Variants in RP1L1 observed in about 807,000 individuals in gnomAD.
RP1L1 encodes the protein retinitis pigmentosa 1-like 1 protein.
RP1L1 carries 27 observed loss-of-function variants against 15.7 expected under a neutral mutation model. The observed-to-expected ratio is 1.72, with a 90% CI of 1.27 to 2.38. The LOEUF (loss-of-function observed/expected upper bound fraction) is 2.38. Ranked by LOEUF, RP1L1 falls within the 30% of genes most tolerant of loss-of-function variation. The pLI is 0.00. For synonymous variants in RP1L1, 1,813 were observed against 1,276.7 expected, an observed-to-expected ratio of 1.42 and a Z score of -8.96; for missense variants, 4,798 against 3,075.9, an observed-to-expected ratio of 1.56 and a Z score of -13.24.
Position 10,613,313 on chromosome 8 carries a change from A to T in RP1L1, c.785T>A (p.Ile262Asn). The change falls in exon 4 of 4, where the codon ATC becomes AAC. Residue 262 changes from isoleucine (I) to asparagine (N), a missense_variant. By Grantham distance (149) the Ile-to-Asn change is moderately radical. Transcript: ENST00000382483. ...SWGPKTKPSV[I>N]HSRSPPGSTP... is the part of the protein sequence containing the mutation. ...GCTGCCTGGCGGAGACCGCGAATGG[A>T]TCACACTCGGCTTGGTCTTTGGCCC... 1 of 1,601,592 alleles carries T rather than the reference A, an allele frequency of 6.2e-7. No homozygotes were observed. The highest frequency in any genetic ancestry group is 1.1e-5 in the South Asian group (1 of 91,084).
intron 1 of RP1L1, among the ~76,000 whole-genome samples, chr8:10,630,192 AG>A (rs1798220003): frequency 6.6e-6 from 1 of 152,128 alleles, no homozygotes; most frequent in South Asian, 2.1e-4. Context: ...AGTGCAGTGG[AG>A]GGGGGAGCAG....
At position 10,610,323 on chromosome 8, in the gene RP1L1, G is replaced by A. The variant is rs1797820844; in HGVS notation, c.3775C>T (p.Pro1259Ser). The change falls in exon 4 of 4, where the codon CCA (proline) becomes TCA (serine). Residue 1259 changes from proline to serine, a missense_variant. Transcript: ENST00000382483. ...CAGGCTCGGGCGTTCAAGAAGGTTG[G>A]GAAACAACACTGCTGTTGGTTTTCC... ...DLENQQQCCFPTFLNARACAC... is the reference protein window; with the variant it reads ...DLENQQQCCFSTFLNARACAC... The A allele has an allele frequency of 5.0e-6, 8 of 1,614,144 alleles. No individual in the cohort carries two copies. The highest frequency in any genetic ancestry group is 6.8e-6 in the Non-Finnish European group (8 of 1,180,026).
rs1797795238 is a variant in RP1L1 at position 10,609,794 on chromosome 8, GC to G, written c.4303del (p.Ala1435ProfsTer51). On this transcript the variant is annotated frameshift_variant, in exon 4 of 4. Transcript: ENST00000382483. LOFTEE classifies it low-confidence loss of function (END_TRUNC). ...GGGGCACGGCTCTGCAGAGGCAGAG[GC>G]TCTTCCTGCTTCCTCCTCCTGGACT... is the stretch of plus-strand genomic sequence containing the variant. ...DPVQEEEAGR[A>X]SASAEPCPAE... The G allele has an allele frequency of 1.9e-6, 3 of 1,614,054 alleles. No homozygotes were observed. The highest frequency in any genetic ancestry group is 2.5e-6 in the Non-Finnish European group (3 of 1,180,016).
rs1233996313 is a variant in RP1L1, at chr8:10,608,861, C to T, written c.5237G>A (p.Gly1746Asp). 6.2e-7 allele frequency: 1 copy of T among 1,613,902 alleles called. No homozygotes were observed. Among genetic ancestry groups the T allele is most frequent in the Non-Finnish European group, 8.5e-7 (1 of 1,180,040 alleles). ...TCTGTTGAGTCTCTGGCTCCCCTCG[C>T]CATCCTCACCCTCGTCCACTCCAGG... ...QGPGVDEGEDGEGSQRLNRDK... is the reference protein window; with the variant it reads ...QGPGVDEGEDDEGSQRLNRDK... Residue 1746 changes from glycine to aspartate, a missense_variant, in exon 4 of 4, where the codon GGC becomes GAC. Transcript: ENST00000382483.
At chr8:10,638,673 G>C (rs974103740) in intron 1 of RP1L1, among the ~76,000 whole-genome samples, 2 of 152,166 alleles carry the variant, frequency 1.3e-5, no homozygotes, top group Non-Finnish European at 2.9e-5. Flanking sequence ...GTTAAGTATA[G>C]CTCAGCTGAT....
intron 1 of RP1L1, among the ~76,000 whole-genome samples, chr8:10,634,459 G>C (rs1273072337): frequency 1.3e-5 from 2 of 152,142 alleles, no homozygotes; most frequent in Non-Finnish European, 2.9e-5. Flanking sequence ...GACAAGTGGG[G>C]AAGATCAACA....
At position 10,622,779 on chromosome 8, in the gene RP1L1, G is replaced by C. The variant is rs1047039731; in HGVS notation, c.423C>G (p.Thr141=). The C allele has an allele frequency of 6.2e-7, 1 of 1,613,826 alleles. No homozygotes were observed. The highest frequency in any genetic ancestry group is 1.3e-5 in the African/African-American group (1 of 74,908). The change falls in exon 2 of 4, where the codon ACC becomes ACG. Residue 141 remains threonine (T), a synonymous_variant. Transcript: ENST00000382483. ...DVEGQREAPG[T]SSSRKSLKTP... is the part of the protein sequence containing the mutation. Reference sequence around the variant, plus strand: ...TTTTAAGACTCTTCCGGGAGGAGGAGGTGCCTGGGGCTTCACGCTGGCCTT... The same window carrying C: ...TTTTAAGACTCTTCCGGGAGGAGGACGTGCCTGGGGCTTCACGCTGGCCTT...
chr8:10,643,407 G>A (rs1798434439), intron 1 of RP1L1, among the ~76,000 whole-genome samples: 1 of 152,090 alleles, frequency 6.6e-6, no homozygotes, highest in Non-Finnish European at 1.5e-5. Context: ...AGACGTACCT[G>A]GTACACAGTC....
Position 10,613,205 on chromosome 8 carries a change from G to A in RP1L1, c.893C>T (p.Ala298Val), listed in dbSNP as rs751577261. Residue 298 changes from alanine (A) to valine (V), a missense_variant, in exon 4 of 4, where the codon GCT becomes GTT. Transcript: ENST00000382483. ...GCCAGCCACCAGCGGGCCCGACTGA[G>A]CTGGCGTGTCCTGAGGGTGCCTGCC... is the stretch of plus-strand genomic sequence containing the variant. ...APGRHPQDTP[A>V]QSGPLVAGDD... 6.2e-7 allele frequency: 1 copy of A among 1,613,552 alleles called. No individual in the cohort carries two copies. The highest frequency in any genetic ancestry group is 8.5e-7 in the Non-Finnish European group (1 of 1,180,018).
In RP1L1 at chr8:10,622,754, T is replaced by G. The variant is rs377360026; in HGVS notation, c.448A>C (p.Thr150Pro). ...GTSSSRKSLK[T>P]PRRILLIKNM... ...TTAATCAGCAGTATCCTCCGGGGGG[T>G]TTTAAGACTCTTCCGGGAGGAGGAG... Residue 150 changes from threonine (T) to proline (P), a missense_variant, in exon 2 of 4, where the codon ACC (threonine) becomes CCC (proline). Coordinates refer to ENST00000382483, the MANE Select transcript of RP1L1 (RefSeq NM_178857.6). 57 of 1,612,792 alleles carry G rather than the reference T, an allele frequency of 3.5e-5. No homozygotes were observed. The highest frequency in any genetic ancestry group is 4.7e-5 in the Non-Finnish European group (55 of 1,179,712).
chr8:10,619,988 G>C (rs965206029), intron 2 of RP1L1, among the ~76,000 whole-genome samples: 2 of 149,000 alleles, frequency 1.3e-5, no homozygotes, highest in Non-Finnish European at 3.0e-5. Context: ...AAAAGATGTT[G>C]AGAGAGGATT....
At chr8:10,620,302 C>T (rs927012038) in intron 2 of RP1L1, among the ~76,000 whole-genome samples, 2 of 152,112 alleles carry the variant, frequency 1.3e-5, no homozygotes, top group Non-Finnish European at 2.9e-5. Flanking sequence ...GAGAATGTTC[C>T]CCCTTAGAAG....
At chr8:10,622,547 G>C in intron 2 of RP1L1, 46 bp downstream of exon 2, 1 of 1,613,190 alleles carries the variant, frequency 6.2e-7, no homozygotes, top group East Asian at 2.2e-5. Context: ...TTTGACCTCA[G>C]GTCTAAAGAA....
chr8:10,621,104 T>A (rs6601494), intron 2 of RP1L1: 145,779 of 152,280 alleles, frequency 0.96, 70,090 homozygotes, highest in Non-Finnish European at 1. Flanking sequence ...TTCCTATACT[T>A]CTTAACATAG....
At chr8:10,643,844 G>A (rs1360100506) in intron 1 of RP1L1, among the ~76,000 whole-genome samples, 1 of 152,010 alleles carries the variant, frequency 6.6e-6, no homozygotes, top group Non-Finnish European at 1.5e-5. Flanking sequence ...CATGTCGATA[G>A]TGCCATGGAA....
intron 1 of RP1L1, among the ~76,000 whole-genome samples, chr8:10,630,043 C>A (rs997759267): frequency 6.6e-5 from 10 of 152,204 alleles, no homozygotes; most frequent in Non-Finnish European, 1.3e-4. Context: ...GAGTGGGAGT[C>A]AGGGTGGTGA....
At chr8:10,619,341 GGAAGTCAAA>G (rs1563129223) in intron 2 of RP1L1, among the ~76,000 whole-genome samples, 1 of 152,240 alleles carries the variant, frequency 6.6e-6, no homozygotes, top group African/African-American at 2.4e-5. Context: ...ACAAGCAAAA[GGAAGTCAAA>G]GATGCAGAGA....
chr8:10,623,083 T>C lies in RP1L1; in HGVS notation c.119A>G (p.Lys40Arg). Reference protein sequence around the residue: ...VTPAKKITFLKRGDPRFAGVR... With the variant: ...VTPAKKITFLRRGDPRFAGVR... ...CCCAGCAAACCGTGGATCCCCTCGC[T>C]TGAGGAAGGTGATCTTCTTGGCTGG... Residue 40 changes from lysine to arginine, a missense_variant, in exon 2 of 4, where the codon AAG becomes AGG. Transcript: ENST00000382483. 1 of 1,613,978 alleles carries C rather than the reference T, an allele frequency of 6.2e-7. No homozygotes were observed. The highest frequency in any genetic ancestry group is 2.2e-5 in the East Asian group (1 of 44,866).
chr8:10,619,117 GC>G (rs1310567952), intron 2 of RP1L1, among the ~76,000 whole-genome samples: 2 of 152,132 alleles, frequency 1.3e-5, no homozygotes, highest in Non-Finnish European at 2.9e-5. Flanking sequence ...TGATCCACCT[GC>G]CTCGGCCTCC....
Sources: allele counts gnomAD v4.1 joint callset (sites outside exome capture counted in the v4.1 genomes callset), GRCh38; gene constraint gnomAD v4.1.1; transcripts MANE v1.5; gene names NCBI Gene and HGNC (gene_info 2026-07-23, HGNC 2026-07-21).